IL1RAPL1: variants seen among roughly 807,000 people sequenced by gnomAD.
IL1RAPL1 encodes interleukin 1 receptor accessory protein like 1.
Under a neutral mutation model 48.4 loss-of-function variants are expected in IL1RAPL1, and 3 were observed. That is an observed-to-expected ratio of 0.06 (90% CI 0.03 to 0.16). The LOEUF is 0.16. Among genes scored for constraint, IL1RAPL1 ranks in the 10% least tolerant of loss-of-function variants. IL1RAPL1 has a pLI of 1.00. For missense variants in IL1RAPL1, 349 were observed against 530.6 expected (o/e 0.66, Z 3.36); for synonymous variants, 185 against 187.7 (o/e 0.99, Z 0.12).
intron 6 of IL1RAPL1, among the ~76,000 whole-genome samples, chrX:29,836,214 C>T (rs1398521021): frequency 4.2e-5 from 4 of 96,368 alleles, no homozygotes; most frequent in Non-Finnish European, 8.0e-5. Flanking sequence ...TTTTCTGAGA[C>T]GGAGTCTCAC....
rs1436316879 is a variant in IL1RAPL1, at chrX:29,940,688, A to G, written c.1058-963A>G. 2.7e-5 allele frequency among the ~76,000 whole-genome samples: 3 copies of G among 111,863 alleles called. No homozygotes were observed. The East Asian group carries it at 8.4e-4, about 31-fold the overall frequency. On this transcript the variant is annotated intron_variant, in intron 8 of 10. Transcript: ENST00000378993. The stretch of plus-strand genomic sequence containing the variant: ...TATCCTTATTTTTGTTACAATGTCC[A>G]TGGTTCTAAAGAAGGAAAAAATAAC...
At chrX:29,536,772 A>G (rs887753527) in intron 5 of IL1RAPL1, among the ~76,000 whole-genome samples, 8 of 110,062 alleles carry the variant, frequency 7.3e-5, no homozygotes, top group Non-Finnish European at 1.3e-4. Flanking sequence ...TTAAATATAT[A>G]TATATATATG....
intron 2 of IL1RAPL1, among the ~76,000 whole-genome samples, chrX:29,091,487 A>G (rs965308843): frequency 8.9e-5 from 10 of 112,039 alleles, no homozygotes; most frequent in African/African-American, 2.9e-4. Context: ...CTACTTCCAG[A>G]TATTGCAATC....
At chrX:28,699,809 A>G (rs892854821) in intron 1 of IL1RAPL1, among the ~76,000 whole-genome samples, 3 of 112,111 alleles carry the variant, frequency 2.7e-5, no homozygotes, top group Non-Finnish European at 5.6e-5. Context: ...AGAGTAGCAG[A>G]TGAATACTTA....
chrX:29,415,912 G>A (rs1340840399), intron 5 of IL1RAPL1, among the ~76,000 whole-genome samples: 1 of 111,597 alleles, frequency 9.0e-6, no homozygotes, highest in African/African-American at 3.3e-5. Flanking sequence ...TTTTCAAAAT[G>A]AACAACAGTG....
At chrX:29,607,612 A>G (rs944483764) in intron 5 of IL1RAPL1, among the ~76,000 whole-genome samples, 28 of 111,948 alleles carry the variant, frequency 2.5e-4, no homozygotes, top group Admixed American at 1.7e-3. Flanking sequence ...ATTCACAGGA[A>G]TGCATGTTTC....
intron 2 of IL1RAPL1, among the ~76,000 whole-genome samples, chrX:28,987,024 T>A (rs1467992841): frequency 8.9e-6 from 1 of 112,582 alleles, no homozygotes. Flanking sequence ...TGTTTAGCCA[T>A]GACTCTGGAC....
chrX:29,207,155 T>A (rs1449067170), intron 2 of IL1RAPL1, among the ~76,000 whole-genome samples: 1 of 111,961 alleles, frequency 8.9e-6, no homozygotes, highest in African/African-American at 3.3e-5. Flanking sequence ...GGAATTTTAA[T>A]GTATTCTTCA....
At chrX:29,802,807 A>G (rs1274957550) in intron 6 of IL1RAPL1, among the ~76,000 whole-genome samples, 24 of 54,624 alleles carry the variant, frequency 4.4e-4, no homozygotes, top group African/African-American at 2.3e-3. Flanking sequence ...ATATATATAT[A>G]TATGTGTGTA....
At chrX:29,711,475 G>A (rs1927354355) in intron 6 of IL1RAPL1, among the ~76,000 whole-genome samples, 3 of 110,917 alleles carry the variant, frequency 2.7e-5, no homozygotes, top group East Asian at 2.8e-4. Flanking sequence ...GAGCCACCGC[G>A]CCTAGCCAGG....
In IL1RAPL1 at chrX:29,774,785, C is replaced by T. The variant is rs186567066; in HGVS notation, c.778+106281C>T. On this transcript the variant is annotated intron_variant, in intron 6 of 10. Transcript: ENST00000378993. ...TGCAAACTAACATTACACAGGGTAG[C>T]TTCATTTGGATGTATTTTTAAATTA... Among the ~76,000 whole-genome samples the T allele has an allele frequency of 4.6e-3, 511 of 111,653 alleles. 5 individuals are homozygous for T. Among genetic ancestry groups the T allele is most frequent in the African/African-American group, 0.016 (478 of 30,791 alleles).
chrX:28,829,255 C>A (rs1601921144), intron 2 of IL1RAPL1, among the ~76,000 whole-genome samples: 1 of 111,074 alleles, frequency 9.0e-6, no homozygotes, highest in African/African-American at 3.3e-5. Context: ...TGTATAGATT[C>A]CTTAGTATTT....
chrX:29,205,915 A>G (rs1437042577), intron 2 of IL1RAPL1, among the ~76,000 whole-genome samples: 1 of 104,309 alleles, frequency 9.6e-6, no homozygotes, highest in African/African-American at 3.5e-5. Flanking sequence ...TTTTTTTTGT[A>G]TTTTTAGTAG....
intron 6 of IL1RAPL1, among the ~76,000 whole-genome samples, chrX:29,700,205 T>G (rs1179490380): frequency 8.9e-6 from 1 of 112,262 alleles, no homozygotes; most frequent in Non-Finnish European, 1.9e-5. Flanking sequence ...ACTGGTTTGC[T>G]TTTCCCTTAT....
At chrX:28,932,094 A>G (rs1348398453) in intron 2 of IL1RAPL1, among the ~76,000 whole-genome samples, 1 of 110,911 alleles carries the variant, frequency 9.0e-6, no homozygotes, top group Non-Finnish European at 1.9e-5. Context: ...TTAGGTTTGC[A>G]TATATGAGCA....
At chrX:29,170,554 T>G (rs1440535315) in intron 2 of IL1RAPL1, among the ~76,000 whole-genome samples, 1 of 111,741 alleles carries the variant, frequency 8.9e-6, no homozygotes, top group Non-Finnish European at 1.9e-5. Flanking sequence ...AGTTTTGTTT[T>G]ATGAATAGGT....
intron 1 of IL1RAPL1, among the ~76,000 whole-genome samples, chrX:28,633,077 C>T (rs926181232): frequency 5.5e-5 from 6 of 109,789 alleles, no homozygotes; most frequent in African/African-American, 2.0e-4. Flanking sequence ...TTAGTAGAGA[C>T]GGGTTTTCGC....
intron 5 of IL1RAPL1, among the ~76,000 whole-genome samples, chrX:29,493,508 G>A (rs1229300003): frequency 9.0e-6 from 1 of 111,512 alleles, no homozygotes; most frequent in Non-Finnish European, 1.9e-5. Context: ...TCTCCCAAGT[G>A]CTTTGTGAAT....
chrX:28,905,755 G>A (rs1034978623), intron 2 of IL1RAPL1, among the ~76,000 whole-genome samples: 2 of 111,398 alleles, frequency 1.8e-5, no homozygotes, highest in African/African-American at 6.5e-5. Context: ...ACGGTTCAGT[G>A]GGGGAGAGGG....
Sources: gnomAD v4.1 joint callset for allele counts (sites outside exome capture counted in the v4.1 genomes callset) on GRCh38, gnomAD v4.1.1 for gene constraint, MANE v1.5 for transcripts, NCBI Gene and HGNC (gene_info 2026-07-23, HGNC 2026-07-21) for gene names.